Variants in CFAP77 observed in about 807,000 individuals in gnomAD.
CFAP77 encodes the protein cilia- and flagella-associated protein 77.
Under a neutral mutation model 31.1 loss-of-function variants are expected in CFAP77, and 25 were observed. The observed-to-expected ratio is 0.80, with a 90% CI of 0.59 to 1.12. CFAP77 has a LOEUF of 1.12. Among genes scored for constraint, CFAP77 ranks in the 50% most tolerant of loss-of-function variants. The pLI, the probability that CFAP77 is intolerant of heterozygous loss-of-function variation, is 0.00. For synonymous variants in CFAP77, 151 were observed against 159.9 expected (o/e 0.94, Z 0.42); for missense variants, 377 against 397.3 (o/e 0.95, Z 0.44).
chr9:132,420,482 A>C (rs953092353), intron 1 of CFAP77, among the ~76,000 whole-genome samples: 3 of 150,488 alleles, frequency 2.0e-5, no homozygotes, highest in Admixed American at 1.3e-4. Flanking sequence ...GTAAAACCCT[A>C]TCTCTACTAA....
chr9:132,564,472 T>C lies in CFAP77; in HGVS notation c.733-7916T>C, dbSNP rs142678217. On this transcript the variant is annotated intron_variant, in intron 5 of 5. Transcript: ENST00000393216. This position sits in a 1 kb window ranked among gnomAD's most constrained non-coding sequence, Gnocchi z 4.6. ...ATTGCCTGGAAATGTAAAATCACGC[T>C]TATAAATAACTTAGCGATCAAAGGA... 6.6e-6 allele frequency among the ~76,000 whole-genome samples: 1 copy of C among 152,324 alleles called. No individual in the cohort carries two copies. The highest frequency in any genetic ancestry group is 6.5e-5 in the Admixed American group (1 of 15,298).
At chr9:132,500,659 C>T (rs910448264) in intron 3 of CFAP77, among the ~76,000 whole-genome samples, 1 of 152,228 alleles carries the variant, frequency 6.6e-6, no homozygotes, top group Admixed American at 6.5e-5. Flanking sequence ...AAACCTCCCA[C>T]ACTCCCCCTG....
chr9:132,436,833 T>G (rs1850512446), intron 1 of CFAP77, among the ~76,000 whole-genome samples: 1 of 152,182 alleles, frequency 6.6e-6, no homozygotes, highest in Non-Finnish European at 1.5e-5. Flanking sequence ...CACAAAATTA[T>G]ATGTCTAGTA....
At chr9:132,425,049 GATTA>G (rs757818814) in intron 1 of CFAP77, among the ~76,000 whole-genome samples, 1 of 152,212 alleles carries the variant, frequency 6.6e-6, no homozygotes, top group Non-Finnish European at 1.5e-5. Context: ...CGGCGGGAGG[GATTA>G]ATTTCTTTAA....
intron 1 of CFAP77, among the ~76,000 whole-genome samples, chr9:132,451,356 A>G (rs1850824645): frequency 6.7e-6 from 1 of 149,348 alleles, no homozygotes; most frequent in Non-Finnish European, 1.5e-5. Context: ...AAAAAAAAAA[A>G]AGAAAGATCA....
At chr9:132,562,681 T>C (rs1000887108) in intron 5 of CFAP77, among the ~76,000 whole-genome samples, 1 of 152,018 alleles carries the variant, frequency 6.6e-6, no homozygotes, top group Non-Finnish European at 1.5e-5. Context: ...CTTGTTTTTG[T>C]TGTTGTTGTT....
At chr9:132,482,772 A>G (rs1851470414) in intron 1 of CFAP77, among the ~76,000 whole-genome samples, 1 of 118,084 alleles carries the variant, frequency 8.5e-6, no homozygotes, top group Non-Finnish European at 1.6e-5. Flanking sequence ...TGGACACAGG[A>G]AGGGGAACAT....
chr9:132,426,497 C>T (rs943213367), intron 1 of CFAP77, among the ~76,000 whole-genome samples: 8 of 148,884 alleles, frequency 5.4e-5, no homozygotes, highest in African/African-American at 1.2e-4. Context: ...CCCTGTTTCC[C>T]GCCAGTTATT....
At chr9:132,515,183 T>G (rs1852125228) in intron 3 of CFAP77, among the ~76,000 whole-genome samples, 1 of 152,140 alleles carries the variant, frequency 6.6e-6, no homozygotes, top group Admixed American at 6.5e-5. Flanking sequence ...TGTCTGGGGG[T>G]GGAAGGTGAC....
chr9:132,554,511 A>G lies in CFAP77; in HGVS notation c.732+11464A>G, dbSNP rs967850982. 1.3e-5 allele frequency among the ~76,000 whole-genome samples: 2 copies of G among 151,596 alleles called. No individual in the cohort carries two copies. The highest frequency in any genetic ancestry group is 4.9e-5 in the African/African-American group (2 of 41,218). ...CCACCATGCCCGGCTAATTTTTTTT[A>G]TGTTTTGTAGAGATGGGGTTTTACC... is the stretch of plus-strand genomic sequence containing the variant. On this transcript the variant is annotated intron_variant, in intron 5 of 5. Transcript: ENST00000393216. The surrounding 1 kb of genome is among the most constrained non-coding windows in gnomAD (Gnocchi z 4.1).
chr9:132,477,800 G>A (rs574776630), intron 1 of CFAP77, among the ~76,000 whole-genome samples: 5 of 152,278 alleles, frequency 3.3e-5, no homozygotes, highest in African/African-American at 7.2e-5. Context: ...GTGGGAGGCC[G>A]TAGGCTCAGA....
chr9:132,481,128 G>A lies in CFAP77; in HGVS notation c.196-17567G>A, dbSNP rs921755799. Among the ~76,000 whole-genome samples the A allele has an allele frequency of 2.6e-5, 4 of 152,120 alleles. No individual in the cohort carries two copies. The highest frequency in any genetic ancestry group is 4.4e-5 in the Non-Finnish European group (3 of 68,026). ...TTTGCACACCCACAAAGCCACACTCGTGTCTGCCGGCCATGGATACGACAG... is the reference window on the plus strand; with the variant it reads ...TTTGCACACCCACAAAGCCACACTCATGTCTGCCGGCCATGGATACGACAG... On this transcript the variant is annotated intron_variant, in intron 1 of 5. Coordinates refer to ENST00000393216, the MANE Select transcript of CFAP77 (RefSeq NM_001282957.2). The surrounding 1 kb of genome is among the most constrained non-coding windows in gnomAD (Gnocchi z 5.0).
At chr9:132,513,837 G>A (rs1044385473) in intron 3 of CFAP77, among the ~76,000 whole-genome samples, 11 of 152,242 alleles carry the variant, frequency 7.2e-5, no homozygotes, top group South Asian at 6.2e-4. Flanking sequence ...TTGTCCTTCC[G>A]GGTGCTGGCC....
At chr9:132,467,909 C>T (rs965659179) in intron 1 of CFAP77, among the ~76,000 whole-genome samples, 2 of 151,856 alleles carry the variant, frequency 1.3e-5, no homozygotes, top group Non-Finnish European at 2.9e-5. Context: ...ACCATCTTAA[C>T]AGGTGTGAGA....
intron 5 of CFAP77, among the ~76,000 whole-genome samples, chr9:132,549,514 T>G (rs1374561373): frequency 1.3e-5 from 2 of 152,180 alleles, no homozygotes; most frequent in Non-Finnish European, 2.9e-5. Flanking sequence ...TGGATCAGTA[T>G]GCCGACGAGC....
At chr9:132,544,286 C>T (rs1589918060) in intron 5 of CFAP77, among the ~76,000 whole-genome samples, 1 of 152,278 alleles carries the variant, frequency 6.6e-6, no homozygotes, top group East Asian at 1.9e-4. Flanking sequence ...GGAACAGGGC[C>T]GAGTACGTTT....
chr9:132,544,993 T>C (rs1027004056), intron 5 of CFAP77, among the ~76,000 whole-genome samples: 1 of 152,142 alleles, frequency 6.6e-6, no homozygotes, highest in African/African-American at 2.4e-5. Context: ...TCAGGTGTTC[T>C]CCCCTCAGCA....
rs1564247931 is a variant in CFAP77 at position 132,545,635 on chromosome 9, C to T, written c.732+2588C>T. ...CCACCCTGTCCAACCCAGCAGAGACCCTTAGACACACAGAGTGCTGCCGTT... is the reference window on the plus strand; with the variant it reads ...CCACCCTGTCCAACCCAGCAGAGACTCTTAGACACACAGAGTGCTGCCGTT... On this transcript the variant is annotated intron_variant, in intron 5 of 5. Coordinates refer to ENST00000393216, the MANE Select transcript of CFAP77 (RefSeq NM_001282957.2). This position sits in a 1 kb window ranked among gnomAD's most constrained non-coding sequence, Gnocchi z 4.6. Among the ~76,000 whole-genome samples the T allele has an allele frequency of 6.6e-6, 1 of 152,204 alleles. No homozygotes were observed. The highest frequency in any genetic ancestry group is 1.5e-5 in the Non-Finnish European group (1 of 68,034).
chr9:132,485,985 C>CATATATATAT (rs61265124), intron 1 of CFAP77, among the ~76,000 whole-genome samples: 6 of 53,540 alleles, frequency 1.1e-4, no homozygotes, highest in Non-Finnish European at 1.3e-4. Context: ...ACACACACCT[C>CATATATATAT]ATATATATAT....
Sources: gnomAD v4.1 joint callset for allele counts (sites outside exome capture counted in the v4.1 genomes callset) on GRCh38, gnomAD v4.1.1 for gene constraint, Gnocchi (gnomAD v3.1) non-coding constraint, MANE v1.5 for transcripts, NCBI Gene and HGNC (gene_info 2026-07-23, HGNC 2026-07-21) for gene names.